DPY30: variants seen among roughly 807,000 people sequenced by gnomAD.
DPY30 encodes the protein dpy-30 histone methyltransferase complex regulatory subunit.
In DPY30, 6 loss-of-function variants were observed where a neutral mutation model predicts 16.2. The observed-to-expected ratio is 0.37, with a 90% confidence interval of 0.20 to 0.73. The LOEUF (loss-of-function observed/expected upper bound fraction) is 0.73, where lower values mean the gene tolerates loss of function less well. Ranked by LOEUF, DPY30 falls within the 30% of genes least tolerant of loss-of-function variation. DPY30 has a pLI of 0.51. For synonymous variants in DPY30, 39 were observed against 38.8 expected, an observed-to-expected ratio of 1.00 and a Z score of -0.02; for missense variants, 73 against 113.1, an observed-to-expected ratio of 0.65 and a Z score of 1.61.
At chr2:32,035,522 G>A (rs1047356245) in intron 3 of DPY30, among the ~76,000 whole-genome samples, 5 of 151,246 alleles carry the variant, frequency 3.3e-5, no homozygotes, top group African/African-American at 7.3e-5. Context: ...CCCAGGAAGC[G>A]GAGATTATAG....
At chr2:32,012,523 C>G (rs548751520) in intron 5 of DPY30, among the ~76,000 whole-genome samples, 1 of 150,162 alleles carries the variant, frequency 6.7e-6, no homozygotes, top group South Asian at 2.1e-4. Flanking sequence ...CTCCGCCTCC[C>G]GAGTTCAAGT....
At chr2:32,033,100 C>G (rs1483180700) in intron 3 of DPY30, among the ~76,000 whole-genome samples, 1 of 145,076 alleles carries the variant, frequency 6.9e-6, no homozygotes, top group Admixed American at 6.9e-5. Context: ...CACCTGAGGT[C>G]AGGAGTTCCA....
At chr2:32,038,135 C>CTTTTTT (rs35016868) in intron 3 of DPY30, among the ~76,000 whole-genome samples, 5 of 108,052 alleles carry the variant, frequency 4.6e-5, no homozygotes, top group African/African-American at 1.4e-4. Context: ...CATTTTCTTT[C>CTTTTTT]TTTTTTTTTT....
At chr2:32,012,384 G>GGACATAC (rs1282822068) in intron 5 of DPY30, among the ~76,000 whole-genome samples, 2 of 146,502 alleles carry the variant, frequency 1.4e-5, no homozygotes, top group Non-Finnish European at 1.5e-5. Context: ...AAAAAAAAAT[G>GGACATAC]GACATACCAT....
downstream of DPY30, chr2:32,023,290 A>C (rs1675224328): frequency 2.6e-6 from 1 of 378,170 alleles, no homozygotes; most frequent in South Asian, 2.1e-5. Flanking sequence ...CTAGTGAGCT[A>C]TCTCAATTTC....
intron 5 of DPY30, among the ~76,000 whole-genome samples, chr2:32,017,804 G>A (rs1675092948): frequency 6.6e-6 from 1 of 152,278 alleles, no homozygotes; most frequent in East Asian, 1.9e-4. Flanking sequence ...CAAAAGGTGT[G>A]CTATGGTCTG....
At position 32,039,272 on chromosome 2, in the gene DPY30, G is replaced by T; in HGVS notation, c.84+7C>A. 1 of 1,614,148 alleles carries T rather than the reference G, an allele frequency of 6.2e-7. No individual in the cohort carries two copies. Among genetic ancestry groups the T allele is most frequent in the Middle Eastern group, 1.6e-4 (1 of 6,062 alleles). On this transcript the variant is annotated splice_region_variant and intron_variant, in intron 3 of 4. Transcript: ENST00000342166. ...CACAGATGAGGCATAGGAACTTGGCGAGTTACCTCAACGTTGTCTGTGAGA... is the reference window on the plus strand; with the variant it reads ...CACAGATGAGGCATAGGAACTTGGCTAGTTACCTCAACGTTGTCTGTGAGA...
chr2:32,023,366 G>A, downstream of DPY30: 1 of 461,436 alleles, frequency 2.2e-6, no homozygotes, highest in Non-Finnish European at 4.5e-6. Context: ...GCAAAGAGAA[G>A]CAATGAAATT....
chr2:32,033,388 T>C lies in DPY30; in HGVS notation c.85-3652A>G, dbSNP rs1050403337. 4.6e-5 allele frequency among the ~76,000 whole-genome samples: 7 copies of C among 151,744 alleles called. No homozygotes were observed. The East Asian group carries it at 9.7e-4, about 21-fold the overall frequency. On this transcript the variant is annotated intron_variant, in intron 3 of 4. Transcript: ENST00000342166. ...TAGGAAAGCCAATAAGAAAGAGCAA[T>C]GTGGCCGGGCATGGTGGCTCACGCC...
At chr2:32,022,082 C>T (rs1300161682), downstream of DPY30, among the ~76,000 whole-genome samples, 1 of 152,022 alleles carries the variant, frequency 6.6e-6, no homozygotes, top group East Asian at 1.9e-4. Flanking sequence ...CAGTGGCATG[C>T]ACCTGTAGTC....
chr2:32,035,331 C>T (rs1438408057), intron 3 of DPY30, among the ~76,000 whole-genome samples: 1 of 151,988 alleles, frequency 6.6e-6, no homozygotes, highest in Non-Finnish European at 1.5e-5. Flanking sequence ...TCGCCGGGCA[C>T]GGTGGCTCAC....
At chr2:32,022,467 A>G (rs1211658729), downstream of DPY30, among the ~76,000 whole-genome samples, 2 of 152,154 alleles carry the variant, frequency 1.3e-5, no homozygotes, top group African/African-American at 2.4e-5. Flanking sequence ...CCTGTATTAA[A>G]GAAAATTATA....
intron 3 of DPY30, among the ~76,000 whole-genome samples, chr2:32,031,504 C>T (rs1558589523): frequency 1.3e-5 from 2 of 151,790 alleles, no homozygotes; most frequent in African/African-American, 2.4e-5. Flanking sequence ...AGCTGAAACA[C>T]GAAAATCACT....
downstream of DPY30, among the ~76,000 whole-genome samples, chr2:32,020,245 A>G (rs1218008766): frequency 6.6e-6 from 1 of 151,428 alleles, no homozygotes; most frequent in South Asian, 2.1e-4. Flanking sequence ...TCACACCTAT[A>G]ATCCCAGCAC....
chr2:32,024,384 T>C (rs1355844559), intron 4 of DPY30, 128 bp from the exon 5 acceptor site: 1 of 713,608 alleles, frequency 1.4e-6, no homozygotes, highest in Non-Finnish European at 2.3e-6. Flanking sequence ...AGGACATTTG[T>C]AGTAAATAAA....
intron 3 of DPY30, among the ~76,000 whole-genome samples, chr2:32,038,181 G>C (rs1048033168): frequency 2.7e-5 from 4 of 148,106 alleles, no homozygotes; most frequent in African/African-American, 1.0e-4. Flanking sequence ...TATCACCCAG[G>C]ATGGAGTGCA....
chr2:32,013,714 G>C (rs1675011259), intron 5 of DPY30, among the ~76,000 whole-genome samples: 1 of 152,148 alleles, frequency 6.6e-6, no homozygotes, highest in Admixed American at 6.6e-5. Context: ...CAGACTTCAA[G>C]AAATAAGAAG....
rs534799885 is a variant in DPY30 at position 32,024,593 on chromosome 2, T to A, written c.228-337A>T. ...GATGGCTTCTGAGATGCTGGCAGTA[T>A]TCAGTTTCTTGATCTGACTGCAAGC... On this transcript the variant is annotated intron_variant, in intron 4 of 4. Coordinates refer to ENST00000342166, the MANE Select transcript of DPY30 (RefSeq NM_001321209.2). Among the ~76,000 whole-genome samples, 129 of 152,328 alleles carry A rather than the reference T, an allele frequency of 8.5e-4. 1 individual carries two copies. Among genetic ancestry groups the A allele is most frequent in the Non-Finnish European group, 1.6e-3 (112 of 68,032 alleles).
chr2:32,038,871 C>G (rs111781974), intron 3 of DPY30, among the ~76,000 whole-genome samples: 1,698 of 152,276 alleles, frequency 0.011, 35 homozygotes, highest in African/African-American at 0.038. Context: ...TGGTCTGGAA[C>G]TCCTGACCTC....
Sources: allele counts gnomAD v4.1 joint callset (sites outside exome capture counted in the v4.1 genomes callset), GRCh38; gene constraint gnomAD v4.1.1; transcripts MANE v1.5; gene names NCBI Gene and HGNC (gene_info 2026-07-23, HGNC 2026-07-21).